NLGN1: variants seen among roughly 807,000 people sequenced by gnomAD.
NLGN1 encodes the protein neuroligin 1.
NLGN1 carries 12 observed loss-of-function variants against 65.5 expected under a neutral mutation model. That is an observed-to-expected ratio of 0.18 (90% confidence interval 0.12 to 0.30). The LOEUF (loss-of-function observed/expected upper bound fraction) is 0.30, where lower values mean the gene tolerates loss of function less well. Among genes scored for constraint, NLGN1 ranks in the 10% least tolerant of loss-of-function variants. The pLI, the probability that NLGN1 is intolerant of heterozygous loss-of-function variation, is 1.00. For synonymous variants in NLGN1, 350 were observed against 359.5 expected, an observed-to-expected ratio of 0.97 and a Z score of 0.30; for missense variants, 750 against 1,007.1, an observed-to-expected ratio of 0.74 and a Z score of 3.46.
intron 3 of NLGN1, among the ~76,000 whole-genome samples, chr3:173,610,485 A>T (rs1752114157): frequency 6.6e-6 from 1 of 151,984 alleles, no homozygotes; most frequent in Non-Finnish European, 1.5e-5. Flanking sequence ...ATAGAAGGTA[A>T]AGATTTCAAG....
At chr3:173,987,986 A>T (rs576704432) in intron 4 of NLGN1, among the ~76,000 whole-genome samples, 1 of 152,192 alleles carries the variant, frequency 6.6e-6, no homozygotes, top group Non-Finnish European at 1.5e-5. Context: ...TACTCTGATC[A>T]TATTACTTGA....
intron 4 of NLGN1, among the ~76,000 whole-genome samples, chr3:174,143,884 G>A (rs1722728304): frequency 6.6e-6 from 1 of 152,008 alleles, no homozygotes; most frequent in Admixed American, 6.6e-5. Context: ...TTTAGACTTA[G>A]ATGCTTTCTT....
chr3:173,842,093 C>T (rs899665162), intron 4 of NLGN1, among the ~76,000 whole-genome samples: 4 of 152,142 alleles, frequency 2.6e-5, no homozygotes, highest in African/African-American at 9.7e-5. Context: ...CAAGTCACAG[C>T]TTACGTGGAT....
At chr3:173,471,514 G>A (rs904214401) in intron 2 of NLGN1, among the ~76,000 whole-genome samples, 1 of 152,046 alleles carries the variant, frequency 6.6e-6, no homozygotes, top group African/African-American at 2.4e-5. Flanking sequence ...TAAGAATGTC[G>A]GCCATATTGG....
intron 2 of NLGN1, among the ~76,000 whole-genome samples, chr3:173,581,262 T>C (rs558828062): frequency 6.6e-6 from 1 of 152,192 alleles, no homozygotes; most frequent in South Asian, 2.1e-4. Flanking sequence ...TTTGCATGGA[T>C]TATGAAATAT....
At chr3:173,766,878 A>G (rs1214095323) in intron 3 of NLGN1, among the ~76,000 whole-genome samples, 2 of 152,246 alleles carry the variant, frequency 1.3e-5, no homozygotes, top group African/African-American at 2.4e-5. Flanking sequence ...GTATCATTAA[A>G]TAACATGAGC....
chr3:173,772,908 G>A (rs568689626), intron 3 of NLGN1, among the ~76,000 whole-genome samples: 76 of 152,166 alleles, frequency 5.0e-4, no homozygotes, highest in African/African-American at 1.8e-3. Context: ...CCTCGCTTTT[G>A]CATCCAAAGG....
At chr3:174,254,076 A>G (rs1745232753) in intron 4 of NLGN1, among the ~76,000 whole-genome samples, 2 of 152,172 alleles carry the variant, frequency 1.3e-5, no homozygotes, top group African/African-American at 4.8e-5. Flanking sequence ...GAACTATCAT[A>G]TATCCCCTTG....
intron 3 of NLGN1, among the ~76,000 whole-genome samples, chr3:173,749,939 T>G (rs1057128652): frequency 6.6e-6 from 1 of 152,100 alleles, no homozygotes; most frequent in Admixed American, 6.6e-5. Context: ...ACTTTTCACT[T>G]ATTCACTCTC....
intron 4 of NLGN1, among the ~76,000 whole-genome samples, chr3:173,905,609 A>T (rs914058757): frequency 6.6e-5 from 10 of 152,336 alleles, no homozygotes; most frequent in African/African-American, 1.9e-4. Flanking sequence ...TGTGAGTTAT[A>T]TTCAGAGACC....
At chr3:173,509,800 G>A (rs1732626612) in intron 2 of NLGN1, among the ~76,000 whole-genome samples, 1 of 151,970 alleles carries the variant, frequency 6.6e-6, no homozygotes, top group Non-Finnish European at 1.5e-5. Flanking sequence ...GAAATGATAA[G>A]GTCCATACAC....
intron 4 of NLGN1, among the ~76,000 whole-genome samples, chr3:174,181,391 T>C (rs1376650792): frequency 1.3e-5 from 2 of 152,118 alleles, no homozygotes; most frequent in African/African-American, 4.8e-5. Flanking sequence ...GATGCTACCA[T>C]CTCAAGTTTA....
chr3:173,805,484 G>T (rs1179835481), intron 3 of NLGN1, among the ~76,000 whole-genome samples: 2 of 152,116 alleles, frequency 1.3e-5, no homozygotes, highest in Admixed American at 1.3e-4. Flanking sequence ...AGAATCTATT[G>T]TCATATTTTC....
At chr3:173,921,423 C>T (rs905341869) in intron 4 of NLGN1, among the ~76,000 whole-genome samples, 10 of 150,890 alleles carry the variant, frequency 6.6e-5, no homozygotes, top group East Asian at 1.9e-4. Flanking sequence ...TGCATTTACA[C>T]GTAAAAAAAT....
intron 3 of NLGN1, among the ~76,000 whole-genome samples, chr3:173,636,473 C>CT (rs1034907773): frequency 6.6e-6 from 1 of 152,048 alleles, no homozygotes; most frequent in Non-Finnish European, 1.5e-5. Context: ...TTCTGTCTCT[C>CT]TTTTTTTCCC....
chr3:174,014,872 G>A (rs1243542081), intron 4 of NLGN1, among the ~76,000 whole-genome samples: 2 of 152,126 alleles, frequency 1.3e-5, no homozygotes, highest in Non-Finnish European at 2.9e-5. Context: ...ACCCCAAGTA[G>A]AGGCTTCATA....
intron 4 of NLGN1, among the ~76,000 whole-genome samples, chr3:174,107,130 C>T (rs771053800): frequency 2.6e-5 from 4 of 151,520 alleles, no homozygotes; most frequent in Non-Finnish European, 5.9e-5. Context: ...TCTTATGTTG[C>T]CTTTACCCGG....
chr3:174,209,619 C>CTTT lies in NLGN1; in HGVS notation c.647-65695_647-65693dup, dbSNP rs1184386254. 5.8e-4 allele frequency among the ~76,000 whole-genome samples: 56 copies of CTTT among 97,264 alleles called. 2 individuals are homozygous for CTTT. The highest frequency in any genetic ancestry group is 2.5e-3 in the African/African-American group (53 of 21,580). The allele number at this position is 97,264 out of a possible 152,430, so 63.8% of individuals were successfully genotyped here. On this transcript the variant is annotated intron_variant, in intron 4 of 6. Transcript: ENST00000457714. ...CCTACCCTGGTGTCTATCAACCTTT[C>CTTT]TTTCTTTTTTTTTTTTTTTTTTTTT...
chr3:173,626,869 C>T (rs1173733832), intron 3 of NLGN1, among the ~76,000 whole-genome samples: 2 of 151,996 alleles, frequency 1.3e-5, no homozygotes, highest in Non-Finnish European at 2.9e-5. Context: ...ATTGATGATT[C>T]ATAATCTGTT....
Sources: gnomAD v4.1 joint callset for allele counts (sites outside exome capture counted in the v4.1 genomes callset) on GRCh38, gnomAD v4.1.1 for gene constraint, MANE v1.5 for transcripts, NCBI Gene and HGNC (gene_info 2026-07-23, HGNC 2026-07-21) for gene names.